Variants in DCBLD2 observed in about 807,000 individuals in gnomAD.
The protein encoded by DCBLD2 is discoidin, CUB and LCCL domain containing 2, also known as discoidin, CUB and LCCL domain-containing protein 2.
A neutral mutation model predicts 86.8 loss-of-function variants in DCBLD2; 54 were observed. That is an observed-to-expected ratio of 0.62 (90% CI 0.50 to 0.78). The LOEUF (loss-of-function observed/expected upper bound fraction) is 0.78, where lower values mean the gene tolerates loss of function less well. Among genes scored for constraint, DCBLD2 ranks in the 30% least tolerant of loss-of-function variants. The probability of loss-of-function intolerance (pLI) is 0.00; values close to 1 mark genes in which losing one functional copy is unlikely to be tolerated. For missense variants in DCBLD2, 908 were observed against 954.2 expected (o/e 0.95, Z 0.64); for synonymous variants, 354 against 341.3 (o/e 1.04, Z -0.41).
chr3:98,885,433 CA>C (rs1281223894), intron 1 of DCBLD2, among the ~76,000 whole-genome samples: 2 of 151,602 alleles, frequency 1.3e-5, no homozygotes, highest in Admixed American at 6.6e-5. Flanking sequence ...TTGCTTATTC[CA>C]AAAGAAATAC....
At position 98,901,348 on chromosome 3, in the gene DCBLD2, T is replaced by C; in HGVS notation, c.-22A>G. On this transcript the variant is annotated 5_prime_UTR_variant, in exon 1 of 16. Coordinates refer to ENST00000326840, the MANE Select transcript of DCBLD2 (RefSeq NM_080927.4). Reference sequence around the variant, plus strand: ...CCATCGCGGCGGCCGGCAGTCTGCCTGCATAGTGCGGGTGCCTCGGCAGCC... The same window carrying C: ...CCATCGCGGCGGCCGGCAGTCTGCCCGCATAGTGCGGGTGCCTCGGCAGCC... 1 of 1,357,088 alleles carries C rather than the reference T, an allele frequency of 7.4e-7. No homozygotes were observed. 84.1% of individuals were successfully genotyped at this position (1,357,088 alleles called of 1,614,324 possible).
intron 2 of DCBLD2, 113 bp from the exon 3 acceptor site, chr3:98,849,711 T>C (rs1331243170): frequency 5.1e-6 from 6 of 1,176,168 alleles, no homozygotes; most frequent in Admixed American, 2.8e-5. Context: ...TAAATTAGTA[T>C]GGAATAATGA....
chr3:98,859,988 C>G (rs998939312), intron 2 of DCBLD2, among the ~76,000 whole-genome samples: 1 of 152,124 alleles, frequency 6.6e-6, no homozygotes. Context: ...AAAGATTAGA[C>G]GAATGGCTAA....
At chr3:98,897,560 T>C (rs1168862315) in intron 1 of DCBLD2, among the ~76,000 whole-genome samples, 8 of 152,126 alleles carry the variant, frequency 5.3e-5, no homozygotes, top group African/African-American at 1.9e-4. Flanking sequence ...TCACAAATAT[T>C]GTTCAAAAAT....
At position 98,819,272 on chromosome 3, in the gene DCBLD2, A is replaced by G; in HGVS notation, c.1017T>C (p.Pro339=). 5 of 1,612,472 alleles carry G rather than the reference A, an allele frequency of 3.1e-6. No homozygotes were observed. Among genetic ancestry groups the G allele is most frequent in the Non-Finnish European group, 4.2e-6 (5 of 1,179,188 alleles). ...KKARLKKPGP[P]WAAFATDEYQ... The stretch of plus-strand genomic sequence containing the variant: ...ATTCATCAGTGGCAAAAGCAGCCCA[A>G]GGCGGTCCAGGTTTTTTCAGCCTGG... The change falls in exon 8 of 16, where the codon CCT becomes CCC. Residue 339 remains proline, a synonymous_variant. Transcript: ENST00000326840.
At chr3:98,830,415 A>G (rs1195194281) in intron 3 of DCBLD2, among the ~76,000 whole-genome samples, 1 of 152,216 alleles carries the variant, frequency 6.6e-6, no homozygotes, top group African/African-American at 2.4e-5. Context: ...ATTTTTGGAT[A>G]TGATATAAGG....
At chr3:98,819,157 A>G (rs943820659) in intron 8 of DCBLD2, 45 bp downstream of exon 8, 2 of 1,494,662 alleles carry the variant, frequency 1.3e-6, no homozygotes, top group Non-Finnish European at 1.8e-6. Flanking sequence ...TTTTTCAAAT[A>G]AAATAAGTGT....
At chr3:98,830,536 C>T (rs1942300987) in intron 3 of DCBLD2, among the ~76,000 whole-genome samples, 1 of 152,156 alleles carries the variant, frequency 6.6e-6, no homozygotes, top group Non-Finnish European at 1.5e-5. Flanking sequence ...TGTCGAAGAT[C>T]AGGTGGTTGC....
chr3:98,853,728 A>G (rs890127337), intron 2 of DCBLD2, among the ~76,000 whole-genome samples: 2 of 152,244 alleles, frequency 1.3e-5, no homozygotes, highest in African/African-American at 4.8e-5. Flanking sequence ...CTGATAAACC[A>G]GAAGTATAAT....
intron 1 of DCBLD2, among the ~76,000 whole-genome samples, chr3:98,887,921 C>T (rs1164967132): frequency 6.6e-6 from 1 of 151,836 alleles, no homozygotes; most frequent in African/African-American, 2.4e-5. Flanking sequence ...TGACATGTAC[C>T]CACCACTATA....
chr3:98,876,045 A>C (rs541776945), intron 2 of DCBLD2, among the ~76,000 whole-genome samples: 58 of 152,358 alleles, frequency 3.8e-4, no homozygotes, highest in Non-Finnish European at 7.9e-4. Flanking sequence ...AAAAAGACTA[A>C]TGAATCTAAC....
At chr3:98,807,219 C>A (rs1251574278) in intron 13 of DCBLD2, among the ~76,000 whole-genome samples, 1 of 152,210 alleles carries the variant, frequency 6.6e-6, no homozygotes, top group Non-Finnish European at 1.5e-5. Flanking sequence ...CATTCCATAT[C>A]TCTGTGCCTT....
At chr3:98,887,744 C>T (rs181315859) in intron 1 of DCBLD2, among the ~76,000 whole-genome samples, 1 of 151,838 alleles carries the variant, frequency 6.6e-6, no homozygotes, top group Non-Finnish European at 1.5e-5. Context: ...GTCATATATC[C>T]CTTGCCCCTA....
chr3:98,822,109 G>A lies in DCBLD2; in HGVS notation c.830+119C>T, dbSNP rs1314096925. The A allele has an allele frequency of 6.4e-6, 8 of 1,245,414 alleles. No homozygotes were observed. In the South Asian group the frequency reaches 7.3e-5, roughly 11 times the overall value. The allele number at this position is 1,245,414 out of a possible 1,614,324, so 77.1% of individuals were successfully genotyped here. On this transcript the variant is annotated intron_variant, in intron 6 of 15. Transcript: ENST00000326840. The stretch of plus-strand genomic sequence containing the variant: ...TAATGTGAGTGCTTACTGCCTAAAT[G>A]TTCTTTCATGAACACCATTAACAGT...
intron 3 of DCBLD2, among the ~76,000 whole-genome samples, chr3:98,836,917 G>A (rs1215105128): frequency 4.0e-5 from 3 of 75,460 alleles, no homozygotes; most frequent in Non-Finnish European, 5.6e-5. Context: ...GGCCGGGCGG[G>A]GGGCTGACCC....
chr3:98,875,830 T>C (rs1943358748), intron 2 of DCBLD2, among the ~76,000 whole-genome samples: 2 of 152,126 alleles, frequency 1.3e-5, no homozygotes, highest in Admixed American at 1.3e-4. Flanking sequence ...TGCATGGTGA[T>C]GGGGCAAGTG....
intron 2 of DCBLD2, among the ~76,000 whole-genome samples, chr3:98,851,629 A>G (rs926332535): frequency 1.3e-5 from 2 of 152,244 alleles, no homozygotes; most frequent in African/African-American, 4.8e-5. Flanking sequence ...TAGCCAAGAC[A>G]TTCCTAAGCA....
intron 1 of DCBLD2, among the ~76,000 whole-genome samples, chr3:98,897,338 G>A (rs1179176119): frequency 2.0e-5 from 3 of 152,102 alleles, no homozygotes; most frequent in African/African-American, 7.2e-5. Context: ...ATTGTGTGCT[G>A]CTTCTAATTT....
At chr3:98,803,478 T>C (rs1400878657) in intron 13 of DCBLD2, among the ~76,000 whole-genome samples, 3 of 152,232 alleles carry the variant, frequency 2.0e-5, no homozygotes, top group Non-Finnish European at 4.4e-5. Context: ...TATACAATCA[T>C]GTCATCTGCA....
Sources: allele counts gnomAD v4.1 joint callset (sites outside exome capture counted in the v4.1 genomes callset), GRCh38; gene constraint gnomAD v4.1.1; transcripts MANE v1.5; gene names NCBI Gene and HGNC (gene_info 2026-07-23, HGNC 2026-07-21).